Variants in ME2 observed in about 807,000 individuals in gnomAD.
The protein encoded by ME2 is NAD-dependent malic enzyme, mitochondrial.
ME2 carries 60 observed loss-of-function variants against 73.7 expected under a neutral mutation model. That is an observed-to-expected ratio of 0.81 (90% CI 0.66 to 1.01). The LOEUF (loss-of-function observed/expected upper bound fraction) is 1.01, where lower values mean the gene tolerates loss of function less well. Among genes scored for constraint, ME2 ranks in the 50% least tolerant of loss-of-function variants. ME2 has a pLI of 0.00. For synonymous variants in ME2, 199 were observed against 236.9 expected (o/e 0.84, Z 1.47); for missense variants, 594 against 705.5 (o/e 0.84, Z 1.79).
chr18:50,905,665 T>G (rs991360694), intron 2 of ME2, among the ~76,000 whole-genome samples: 1 of 152,162 alleles, frequency 6.6e-6, no homozygotes, highest in African/African-American at 2.4e-5. Context: ...GCTTCCAGGT[T>G]ATAGGCAGGT....
intron 12 of ME2, among the ~76,000 whole-genome samples, chr18:50,927,527 C>T (rs895100744): frequency 6.6e-6 from 1 of 151,320 alleles, no homozygotes; most frequent in Non-Finnish European, 1.5e-5. Flanking sequence ...AGTGAAACCC[C>T]GTCTCTACTA....
intron 1 of ME2, among the ~76,000 whole-genome samples, chr18:50,895,474 A>T (rs1231817266): frequency 6.6e-6 from 1 of 152,194 alleles, no homozygotes; most frequent in Non-Finnish European, 1.5e-5. Context: ...ATTAAAATGG[A>T]ACTCACTTTG....
chr18:50,881,677 A>G (rs1370669815), intron 1 of ME2, among the ~76,000 whole-genome samples: 1 of 152,238 alleles, frequency 6.6e-6, no homozygotes, highest in Non-Finnish European at 1.5e-5. Context: ...AATGTTAATC[A>G]TGATTATCCT....
intron 1 of ME2, among the ~76,000 whole-genome samples, chr18:50,894,746 G>A (rs182971156): frequency 0.013 from 1,988 of 151,548 alleles, 98 homozygotes; most frequent in Admixed American, 0.1. Flanking sequence ...GCGTGGTGGC[G>A]GGCGCCTGTA....
rs2144290379 is a variant in ME2 at position 50,953,529 on chromosome 18, T to C, written c.*6345T>C. The C allele has an allele frequency of 6.6e-6, 1 of 152,388 alleles. No individual in the cohort carries two copies. The highest frequency in any genetic ancestry group is 1.5e-5 in the Non-Finnish European group (1 of 68,042). The allele number at this position is 152,388 out of a possible 1,614,324, so 9.4% of individuals were successfully genotyped here. Reference sequence around the variant, plus strand: ...GACACGAACATTAAAGATTTGGTGTTGAATTTAATAAATTACACCAAAAAG... The same window carrying C: ...GACACGAACATTAAAGATTTGGTGTCGAATTTAATAAATTACACCAAAAAG... On this transcript the variant is annotated 3_prime_UTR_variant, in exon 16 of 16. Transcript: ENST00000321341.
chr18:50,891,812 T>C (rs112232843), intron 1 of ME2, among the ~76,000 whole-genome samples: 2,756 of 151,464 alleles, frequency 0.018, 40 homozygotes, highest in Non-Finnish European at 0.029. Context: ...ATTGGACTTA[T>C]AATTTTTTTT....
intron 4 of ME2, among the ~76,000 whole-genome samples, chr18:50,914,107 T>G (rs1917230164): frequency 6.6e-6 from 1 of 151,956 alleles, no homozygotes; most frequent in South Asian, 2.1e-4. Context: ...AACTTTCCTC[T>G]CCTCCCCATC....
chr18:50,916,764 T>C (rs1268200833), intron 5 of ME2: 1 of 152,282 alleles, frequency 6.6e-6, no homozygotes, highest in African/African-American at 2.4e-5. Context: ...TTTTGTAAAT[T>C]TTATTGTAGG....
At chr18:50,915,933 G>T in intron 4 of ME2, 2 of 345,228 alleles carry the variant, frequency 5.8e-6, no homozygotes, top group Non-Finnish European at 1.0e-5. Flanking sequence ...ATTTCTTCTT[G>T]GGTAAAATGA....
At chr18:50,924,252 C>T (rs765484060) in intron 11 of ME2, 40 bp downstream of exon 11, 1 of 1,320,358 alleles carries the variant, frequency 7.6e-7, no homozygotes, top group Non-Finnish European at 1.1e-6. Context: ...TACTCCCTAA[C>T]TGTATGTTGC....
intron 6 of ME2, 66 bp from the exon 7 acceptor site, chr18:50,918,044 T>A (rs912559050): frequency 3.0e-6 from 3 of 1,012,812 alleles, no homozygotes; most frequent in Non-Finnish European, 4.2e-6. Flanking sequence ...ATTTTGCAAT[T>A]TTTATTGTAT....
intron 1 of ME2, among the ~76,000 whole-genome samples, chr18:50,895,115 T>C (rs567950906): frequency 2.5e-4 from 38 of 152,222 alleles, no homozygotes; most frequent in African/African-American, 9.1e-4. Flanking sequence ...AATTCTGATT[T>C]TTGGTGAGAT....
intron 3 of ME2, among the ~76,000 whole-genome samples, chr18:50,909,896 T>A (rs1035922990): frequency 6.6e-6 from 1 of 151,824 alleles, no homozygotes; most frequent in South Asian, 2.1e-4. Context: ...GAGTGGCTGG[T>A]CTTGAGCAAG....
intron 2 of ME2, among the ~76,000 whole-genome samples, chr18:50,904,439 T>A (rs1446213731): frequency 6.6e-6 from 1 of 151,848 alleles, no homozygotes; most frequent in African/African-American, 2.4e-5. Flanking sequence ...CCACCACACC[T>A]GGCTTATTTT....
intron 1 of ME2, among the ~76,000 whole-genome samples, chr18:50,886,629 G>A (rs1017292319): frequency 1.8e-4 from 28 of 152,094 alleles, no homozygotes; most frequent in African/African-American, 6.5e-4. Flanking sequence ...ATAACTTACT[G>A]GTAATAGAAC....
chr18:50,891,473 T>C (rs936804282), intron 1 of ME2, among the ~76,000 whole-genome samples: 1 of 152,162 alleles, frequency 6.6e-6, no homozygotes, highest in Non-Finnish European at 1.5e-5. Context: ...AGATGAGAGG[T>C]CTCTGCAAAA....
At position 50,947,340 on chromosome 18, in the gene ME2, G is replaced by A; in HGVS notation, c.*156G>A. On this transcript the variant is annotated 3_prime_UTR_variant, in exon 16 of 16. Coordinates refer to ENST00000321341, the MANE Select transcript of ME2 (RefSeq NM_002396.5). ...TTCCATGCGTCTCCACATCTGTTGGGGTAGACGTGTTGATTGATTGCATTG... is the reference window on the plus strand; with the variant it reads ...TTCCATGCGTCTCCACATCTGTTGGAGTAGACGTGTTGATTGATTGCATTG... 1.5e-6 allele frequency: 1 copy of A among 665,300 alleles called. No individual in the cohort carries two copies. Among genetic ancestry groups the A allele is most frequent in the Middle Eastern group, 4.2e-4 (1 of 2,368 alleles). The allele number at this position is 665,300 out of a possible 1,614,324, so 41.2% of individuals were successfully genotyped here.
At chr18:50,900,718 G>A (rs1013563004) in intron 2 of ME2, among the ~76,000 whole-genome samples, 4 of 152,096 alleles carry the variant, frequency 2.6e-5, no homozygotes, top group African/African-American at 4.8e-5. Context: ...TAACTGAATC[G>A]TGGGGGTGGT....
At chr18:50,939,932 A>G in intron 14 of ME2, 1 of 429,062 alleles carries the variant, frequency 2.3e-6, no homozygotes. Flanking sequence ...TTTTTAATGG[A>G]CAAGTACTGG....
Sources: allele counts gnomAD v4.1 joint callset (sites outside exome capture counted in the v4.1 genomes callset), GRCh38; gene constraint gnomAD v4.1.1; transcripts MANE v1.5; gene names NCBI Gene and HGNC (gene_info 2026-07-23, HGNC 2026-07-21).